The following CASZ1 variants were observed in gnomAD, a reference collection of about 807,000 sequenced individuals.
CASZ1 encodes zinc finger protein castor homolog 1.
A neutral mutation model predicts 135.2 loss-of-function variants in CASZ1; 28 were observed. The observed-to-expected ratio is 0.21, with a 90% CI of 0.15 to 0.28. CASZ1 has a LOEUF of 0.28. Among genes scored for constraint, CASZ1 ranks in the 10% least tolerant of loss-of-function variants. CASZ1 has a pLI of 1.00. For missense variants in CASZ1, 2,161 were observed against 2,453.3 expected (o/e 0.88, Z 2.52); for synonymous variants, 1,068 against 1,073.4 (o/e 0.99, Z 0.10).
At chr1:10,662,600 ACACT>A (rs3838417) in intron 5 of CASZ1, among the ~76,000 whole-genome samples, 27,050 of 151,656 alleles carry the variant, frequency 0.18, 2,529 homozygotes, top group Middle Eastern at 0.26. Context: ...ACAATCACAC[ACACT>A]CTCACATACA....
chr1:10,788,993 T>G lies in CASZ1; in HGVS notation c.-234+7571A>C, dbSNP rs980945049. ...CCCTCCTGCTTCTCACAGTGGCCACTGCAGGGGAGCCCAAGGGGACAGTAA... is the reference window on the plus strand; with the variant it reads ...CCCTCCTGCTTCTCACAGTGGCCACGGCAGGGGAGCCCAAGGGGACAGTAA... On this transcript the variant is annotated intron_variant, in intron 1 of 20. Transcript: ENST00000377022. The surrounding 1 kb of genome is among the most constrained non-coding windows in gnomAD (Gnocchi z 4.1). Among the ~76,000 whole-genome samples the G allele has an allele frequency of 6.6e-6, 1 of 151,960 alleles. No individual in the cohort carries two copies.
chr1:10,706,437 C>G lies in CASZ1; in HGVS notation c.-76-893G>C, dbSNP rs1268211568. Among the ~76,000 whole-genome samples, 1 of 152,138 alleles carries G rather than the reference C, an allele frequency of 6.6e-6. No individual in the cohort carries two copies. Among genetic ancestry groups the G allele is most frequent in the Non-Finnish European group, 1.5e-5 (1 of 68,006 alleles). On this transcript the variant is annotated intron_variant, in intron 2 of 20. Coordinates refer to ENST00000377022, the MANE Select transcript of CASZ1 (RefSeq NM_001079843.3). This position sits in a 1 kb window ranked among gnomAD's most constrained non-coding sequence, Gnocchi z 4.3. ...CAGGCTTGGGGAGGGCTGTCTGTTA[C>G]GTTTTCTTCTCCCCCTCCCTCATTT...
intron 4 of CASZ1, among the ~76,000 whole-genome samples, chr1:10,682,140 T>C (rs1311793498): frequency 6.6e-6 from 1 of 152,152 alleles, no homozygotes; most frequent in Non-Finnish European, 1.5e-5. Context: ...ACTTTCAAGT[T>C]TGTCTGAAAA....
chr1:10,693,850 C>T lies in CASZ1; in HGVS notation c.16+24G>A, dbSNP rs1380945075. 8 of 1,611,150 alleles carry T rather than the reference C, an allele frequency of 5.0e-6. 1 individual carries two copies. The South Asian group carries it at 8.8e-5, about 18-fold the overall frequency. ...AGCGAAAGAAAAGTGAAAGAGCCGCCCCTGCGTTCCCACCGGCCGGTACCT... is the reference window on the plus strand; with the variant it reads ...AGCGAAAGAAAAGTGAAAGAGCCGCTCCTGCGTTCCCACCGGCCGGTACCT... On this transcript the variant is annotated intron_variant, in intron 4 of 20. Coordinates refer to ENST00000377022, the MANE Select transcript of CASZ1 (RefSeq NM_001079843.3).
intron 3 of CASZ1, among the ~76,000 whole-genome samples, chr1:10,696,563 A>C (rs1225644988): frequency 6.6e-6 from 1 of 152,174 alleles, no homozygotes; most frequent in African/African-American, 2.4e-5. Context: ...GACTCCCCAA[A>C]GCAAGGCATC....
chr1:10,639,443 G>A lies in CASZ1; in HGVS notation c.4779C>T (p.Arg1593=). Residue 1593 remains arginine, a synonymous_variant, in exon 21 of 21, where the codon CGC becomes CGT. Transcript: ENST00000377022. This position sits in a 1 kb window ranked among gnomAD's most constrained non-coding sequence, Gnocchi z 4.0. ...CGCCGCGCTCCTGCTTCTCGTGCTT[G>A]CGCTTGTGCGAGTCCATCTGCGACA... ...VGMSQMDSHK[R]KHEKQERGEP... is the part of the protein sequence containing the mutation. 2 of 1,590,338 alleles carry A rather than the reference G, an allele frequency of 1.3e-6. No homozygotes were observed. Among genetic ancestry groups the A allele is most frequent in the Non-Finnish European group, 1.7e-6 (2 of 1,169,640 alleles).
At chr1:10,781,447 G>A (rs1640760951) in intron 1 of CASZ1, among the ~76,000 whole-genome samples, 1 of 152,106 alleles carries the variant, frequency 6.6e-6, no homozygotes, top group African/African-American at 2.4e-5. Context: ...CTCCTCCCTG[G>A]GCAGGCAGTC....
At position 10,646,619 on chromosome 1, in the gene CASZ1, A is replaced by G. The variant is rs1642370234; in HGVS notation, c.3498-293T>C. ...GTTTCCATGGCCACACCTCAGGATT[A>G]TAGATAAGGATGGCTGTAATAACTT... On this transcript the variant is annotated intron_variant, in intron 16 of 20. Coordinates refer to ENST00000377022, the MANE Select transcript of CASZ1 (RefSeq NM_001079843.3). The surrounding 1 kb of genome is among the most constrained non-coding windows in gnomAD (Gnocchi z 6.4). Among the ~76,000 whole-genome samples the G allele has an allele frequency of 6.6e-6, 1 of 152,216 alleles. No individual in the cohort carries two copies. The highest frequency in any genetic ancestry group is 2.4e-5 in the African/African-American group (1 of 41,454).
Position 10,697,673 on chromosome 1 carries a change from A to G in CASZ1, c.-23-3761T>C, listed in dbSNP as rs765007781. Among the ~76,000 whole-genome samples the G allele has an allele frequency of 2.6e-5, 4 of 151,844 alleles. No homozygotes were observed. The highest frequency in any genetic ancestry group is 4.4e-5 in the Non-Finnish European group (3 of 67,964). ...TTCTCACTCACCAGCCTGTTTACAC[A>G]CCAGGTATCTCATGCTTTATCTGCT... On this transcript the variant is annotated intron_variant, in intron 3 of 20. Coordinates refer to ENST00000377022, the MANE Select transcript of CASZ1 (RefSeq NM_001079843.3). The surrounding 1 kb of genome is among the most constrained non-coding windows in gnomAD (Gnocchi z 4.7).
intron 1 of CASZ1, among the ~76,000 whole-genome samples, chr1:10,780,081 T>G (rs773106341): frequency 6.6e-6 from 1 of 152,128 alleles, no homozygotes; most frequent in Non-Finnish European, 1.5e-5. Context: ...ACCCTCACGG[T>G]GACCTTCACT....
rs111373417 is a variant in CASZ1, at chr1:10,699,171, C to T, written c.-23-5259G>A. Among the ~76,000 whole-genome samples, 27,339 of 152,180 alleles carry T rather than the reference C, an allele frequency of 0.18. 3,251 individuals carry two copies. Among genetic ancestry groups the T allele is most frequent in the Middle Eastern group, 0.28 (82 of 294 alleles). ...GCCTTCGGGGAGAAGAGCTGGGGATCGACATGGCCCAAATCTGGCCTCTCC... is the reference window on the plus strand; with the variant it reads ...GCCTTCGGGGAGAAGAGCTGGGGATTGACATGGCCCAAATCTGGCCTCTCC... On this transcript the variant is annotated intron_variant, in intron 3 of 20. Coordinates refer to ENST00000377022, the MANE Select transcript of CASZ1 (RefSeq NM_001079843.3). The surrounding 1 kb of genome is among the most constrained non-coding windows in gnomAD (Gnocchi z 4.6).
chr1:10,746,511 C>T (rs1450921419), intron 2 of CASZ1, among the ~76,000 whole-genome samples: 1 of 152,228 alleles, frequency 6.6e-6, no homozygotes, highest in Non-Finnish European at 1.5e-5. Flanking sequence ...TCCCTTCTGC[C>T]TTCCCAGCCC....
At chr1:10,715,841 A>G (rs1327675791) in intron 2 of CASZ1, among the ~76,000 whole-genome samples, 1 of 114,556 alleles carries the variant, frequency 8.7e-6, no homozygotes, top group Admixed American at 8.9e-5. Context: ...ACAGCACCCA[A>G]TCCACTCCCC....
At chr1:10,790,995 TC>T (rs1352253864) in intron 1 of CASZ1, among the ~76,000 whole-genome samples, 1 of 151,636 alleles carries the variant, frequency 6.6e-6, no homozygotes, top group Non-Finnish European at 1.5e-5. Context: ...AAAATTTGCT[TC>T]TACCTTCCCT....
In CASZ1 at chr1:10,653,964, C is replaced by T. The variant is rs372266528; in HGVS notation, c.2093G>A (p.Arg698His). 50 of 1,613,852 alleles carry T rather than the reference C, an allele frequency of 3.1e-5. No homozygotes were observed. In the Middle Eastern group the frequency reaches 3.8e-3, roughly 122 times the overall value. Residue 698 changes from arginine to histidine, a missense_variant, in exon 11 of 21, where the codon CGC becomes CAC. Arg to His is a conservative substitution (Grantham distance 29, BLOSUM62 0). This residue lies in a region of CASZ1 where 248 missense variants were observed against 410.8 expected (regional missense o/e 0.60). Coordinates refer to ENST00000377022, the MANE Select transcript of CASZ1 (RefSeq NM_001079843.3). ...HKRKHERRHI[R>H]SSGALGLPPS... ...CGGCAGCCCCAGCGCGCCCGAGGAG[C>T]GGATGTGCCGGCGCTCATGCTTGCG...
At position 10,700,016 on chromosome 1, in the gene CASZ1, CAG is replaced by C. The variant is rs1426620529; in HGVS notation, c.-24+5474_-24+5475del. ...GCAGAGAGAGAGAGAGAAACAGAGA[CAG>C]AGAAAGAGAGAGAGAGACAGAGAGA... On this transcript the variant is annotated intron_variant, in intron 3 of 20. Coordinates refer to ENST00000377022, the MANE Select transcript of CASZ1 (RefSeq NM_001079843.3). The surrounding 1 kb of genome is among the most constrained non-coding windows in gnomAD (Gnocchi z 4.2). Among the ~76,000 whole-genome samples the C allele has an allele frequency of 1.4e-5, 2 of 147,018 alleles. No individual in the cohort carries two copies. Among genetic ancestry groups the C allele is most frequent in the African/African-American group, 2.5e-5 (1 of 39,370 alleles).
At chr1:10,669,975 A>C (rs1255688265) in intron 4 of CASZ1, among the ~76,000 whole-genome samples, 2 of 152,250 alleles carry the variant, frequency 1.3e-5, no homozygotes, top group Admixed American at 1.3e-4. Context: ...ACGGTGTTCA[A>C]GAAAAATGAG....
At position 10,756,565 on chromosome 1, in the gene CASZ1, C is replaced by G. The variant is rs924650153; in HGVS notation, c.-77+4136G>C. Among the ~76,000 whole-genome samples the G allele has an allele frequency of 2.6e-5, 4 of 152,244 alleles. No homozygotes were observed. Among genetic ancestry groups the G allele is most frequent in the African/African-American group, 7.2e-5 (3 of 41,470 alleles). On this transcript the variant is annotated intron_variant, in intron 2 of 20. Coordinates refer to ENST00000377022, the MANE Select transcript of CASZ1 (RefSeq NM_001079843.3). This position sits in a 1 kb window ranked among gnomAD's most constrained non-coding sequence, Gnocchi z 5.9. ...TGTCCAGGGGCGCTGGGGATCACTG[C>G]TATCACAGCATCGATGCTGGGACTG...
intron 4 of CASZ1, among the ~76,000 whole-genome samples, chr1:10,668,312 C>T (rs1048389146): frequency 6.6e-6 from 1 of 152,196 alleles, no homozygotes; most frequent in African/African-American, 2.4e-5. Flanking sequence ...ACTTTCTTCC[C>T]TAAAATATAA....
Sources: allele counts gnomAD v4.1 joint callset (sites outside exome capture counted in the v4.1 genomes callset), GRCh38; gene constraint gnomAD v4.1.1; regional missense constraint gnomAD v4.1.1; non-coding constraint Gnocchi (gnomAD v3.1); transcripts MANE v1.5; gene names NCBI Gene and HGNC (gene_info 2026-07-23, HGNC 2026-07-21).